The following SYNPO2 variants were observed in gnomAD, a reference collection of about 807,000 sequenced individuals.
SYNPO2 encodes the protein synaptopodin 2.
A neutral mutation model predicts 85.0 loss-of-function variants in SYNPO2; 56 were observed. The observed-to-expected ratio is 0.66, with a 90% CI of 0.53 to 0.82. SYNPO2 has a LOEUF of 0.82. SYNPO2 is among the 40% of genes least tolerant of loss of function. The pLI, the probability that SYNPO2 is intolerant of heterozygous loss-of-function variation, is 0.00. For missense variants in SYNPO2, 1,575 were observed against 1,534.2 expected (o/e 1.03, Z -0.44); for synonymous variants, 602 against 591.1 (o/e 1.02, Z -0.27).
intron 1 of SYNPO2, among the ~76,000 whole-genome samples, chr4:118,926,014 C>T (rs979420946): frequency 1.3e-5 from 2 of 152,050 alleles, no homozygotes; most frequent in Non-Finnish European, 1.5e-5. Context: ...GCACAGTAGT[C>T]GGTGGGAGGG....
intron 1 of SYNPO2, among the ~76,000 whole-genome samples, chr4:118,992,195 GT>G (rs1353769990): frequency 6.6e-6 from 1 of 152,160 alleles, no homozygotes; most frequent in African/African-American, 2.4e-5. Flanking sequence ...CTCTACACAG[GT>G]TTTTTATGTG....
intron 1 of SYNPO2, among the ~76,000 whole-genome samples, chr4:118,881,195 A>G (rs1474286191): frequency 6.6e-6 from 1 of 151,282 alleles, no homozygotes; most frequent in Non-Finnish European, 1.5e-5. Flanking sequence ...CCAGCTACTC[A>G]GGAGGCTGAG....
At chr4:119,056,331 T>C (rs917081907) in intron 4 of SYNPO2, among the ~76,000 whole-genome samples, 3 of 152,152 alleles carry the variant, frequency 2.0e-5, no homozygotes, top group African/African-American at 4.8e-5. Flanking sequence ...GGTGGGAGGA[T>C]GGCTTGAGGC....
chr4:118,852,891 TTCTGGGTTATTCAAG>T (rs1419741479), intron 1 of SYNPO2, among the ~76,000 whole-genome samples: 1 of 152,192 alleles, frequency 6.6e-6, no homozygotes, highest in Admixed American at 6.5e-5. Context: ...AACATTGATT[TTCTGGGTTATTCAAG>T]TCCTCCAAAT....
At chr4:118,946,969 G>T (rs568435439) in intron 1 of SYNPO2, among the ~76,000 whole-genome samples, 1 of 152,334 alleles carries the variant, frequency 6.6e-6, no homozygotes, top group East Asian at 1.9e-4. Context: ...TATTAGTTGT[G>T]TTGCTTTCAG....
intron 1 of SYNPO2, among the ~76,000 whole-genome samples, chr4:118,999,785 C>T (rs1402589153): frequency 2.0e-5 from 3 of 152,132 alleles, no homozygotes; most frequent in Non-Finnish European, 2.9e-5. Flanking sequence ...CATTCTGGGG[C>T]ACATAGGGTA....
At chr4:118,882,442 A>T (rs923686447) in intron 1 of SYNPO2, among the ~76,000 whole-genome samples, 4 of 152,244 alleles carry the variant, frequency 2.6e-5, no homozygotes, top group Non-Finnish European at 4.4e-5. Context: ...GATATTTATT[A>T]AAAAACATAA....
At chr4:118,858,738 T>TA (rs1276384462) in intron 1 of SYNPO2, among the ~76,000 whole-genome samples, 8 of 152,160 alleles carry the variant, frequency 5.3e-5, no homozygotes, top group Non-Finnish European at 1.0e-4. Context: ...ATATAAAACA[T>TA]AAAAAATCTA....
intron 1 of SYNPO2, among the ~76,000 whole-genome samples, chr4:118,851,284 G>C (rs72669480): frequency 1.4e-3 from 211 of 152,136 alleles, no homozygotes; most frequent in Non-Finnish European, 2.7e-3. Context: ...AATGATTGAG[G>C]ATTGACCAGT....
At chr4:118,953,388 C>T (rs1347321387) in intron 1 of SYNPO2, among the ~76,000 whole-genome samples, 1 of 152,152 alleles carries the variant, frequency 6.6e-6, no homozygotes, top group Non-Finnish European at 1.5e-5. Flanking sequence ...ATTCTAACCC[C>T]TGAGCAGGGC....
intron 1 of SYNPO2, among the ~76,000 whole-genome samples, chr4:119,000,328 T>A (rs1476531024): frequency 1.3e-5 from 2 of 152,192 alleles, no homozygotes; most frequent in Non-Finnish European, 2.9e-5. Flanking sequence ...TTTTCCTGGG[T>A]CTGAGAGGAT....
rs1317305411 is a variant in SYNPO2 at position 119,039,745 on chromosome 4, A to C, written c.3252+7718A>C. Among the ~76,000 whole-genome samples the C allele has an allele frequency of 2.0e-5, 3 of 152,176 alleles. No homozygotes were observed. The East Asian group carries it at 5.8e-4, about 29-fold the overall frequency. On this transcript the variant is annotated intron_variant, in intron 4 of 4. Coordinates refer to ENST00000307142, the MANE Select transcript of SYNPO2 (RefSeq NM_133477.3). ...AGAATAGTGATGAGAGAAACCCTCA[A>C]ATTTCAGTAACAATAATGCAGAGAA...
chr4:118,921,769 C>G, intron 1 of SYNPO2, among the ~76,000 whole-genome samples: 1 of 141,954 alleles, frequency 7.0e-6, no homozygotes, highest in East Asian at 2.0e-4. Context: ...CTTACAGTTA[C>G]TTTTCATATG....
At chr4:119,029,376 T>C (rs1368041710) in intron 3 of SYNPO2, among the ~76,000 whole-genome samples, 3 of 152,138 alleles carry the variant, frequency 2.0e-5, no homozygotes, top group Admixed American at 6.5e-5. Flanking sequence ...TTAAAACATC[T>C]TCTTGGGACG....
intron 1 of SYNPO2, among the ~76,000 whole-genome samples, chr4:118,950,632 G>C (rs1228482641): frequency 1.3e-5 from 2 of 152,180 alleles, no homozygotes; most frequent in Non-Finnish European, 1.5e-5. Context: ...GCCAGGTAGA[G>C]GAGGCAGTGG....
intron 1 of SYNPO2, among the ~76,000 whole-genome samples, chr4:118,868,280 C>T (rs1282423687): frequency 1.3e-5 from 2 of 152,006 alleles, no homozygotes; most frequent in African/African-American, 4.8e-5. Flanking sequence ...AAAATGCATT[C>T]ATGAATGATA....
chr4:118,852,369 G>GTA (rs2110560152), intron 1 of SYNPO2, among the ~76,000 whole-genome samples: 1 of 152,288 alleles, frequency 6.6e-6, no homozygotes, highest in South Asian at 2.1e-4. Flanking sequence ...TCATTACTGA[G>GTA]TATATATACA....
At chr4:119,012,459 T>C (rs377721224) in intron 1 of SYNPO2, among the ~76,000 whole-genome samples, 98 of 151,112 alleles carry the variant, frequency 6.5e-4, no homozygotes, top group Middle Eastern at 6.8e-3. Flanking sequence ...TATACATGTG[T>C]CATGGTGGTT....
intron 1 of SYNPO2, among the ~76,000 whole-genome samples, chr4:118,928,120 C>T (rs908401521): frequency 1.3e-5 from 2 of 152,166 alleles, no homozygotes; most frequent in African/African-American, 4.8e-5. Context: ...GATATTCCTG[C>T]CTGGCCTGCT....
Sources: allele counts gnomAD v4.1 joint callset (sites outside exome capture counted in the v4.1 genomes callset), GRCh38; gene constraint gnomAD v4.1.1; transcripts MANE v1.5; gene names NCBI Gene and HGNC (gene_info 2026-07-23, HGNC 2026-07-21).